The following RP1 variants were observed in gnomAD, a reference collection of about 807,000 sequenced individuals.
The protein encoded by RP1 is oxygen-regulated protein 1.
A neutral mutation model predicts 14.8 loss-of-function variants in RP1; 16 were observed. The observed-to-expected ratio is 1.08, with a 90% CI of 0.73 to 1.65. RP1 has a LOEUF of 1.65. RP1 is among the 40% of genes most tolerant of loss of function. The pLI, the probability that RP1 is intolerant of heterozygous loss-of-function variation, is 0.00. For synonymous variants in RP1, 876 were observed against 883.6 expected (o/e 0.99, Z 0.15); for missense variants, 2,631 against 2,535.0 (o/e 1.04, Z -0.81).
chr8:54,754,986 A>G (rs754930794), intron 20 of RP1: 7 of 1,410,276 alleles, frequency 5.0e-6, no homozygotes, highest in Non-Finnish European at 5.5e-6. Context: ...ATTGTTTGGT[A>G]GTTGCTTAAA....
chr8:54,628,686 C>A lies in RP1; in HGVS notation c.4804C>A (p.Gln1602Lys). The A allele has an allele frequency of 6.2e-7, 1 of 1,614,028 alleles. No individual in the cohort carries two copies. The highest frequency in any genetic ancestry group is 8.5e-7 in the Non-Finnish European group (1 of 1,179,956). ...CTATCGGCCTGACAGTGACAGTGAG[C>A]AGCCATATAAAACATCCAGTGATGA... Reference protein sequence around the residue: ...SDYRPDSDSEQPYKTSSDDPN... With the variant: ...SDYRPDSDSEKPYKTSSDDPN... The change falls in exon 4 of 4, where the codon CAG (glutamine) becomes AAG (lysine). Residue 1602 changes from glutamine to lysine, a missense_variant. By Grantham distance (53) the Gln-to-Lys change is moderately conservative. Coordinates refer to ENST00000220676, the MANE Select transcript of RP1 (RefSeq NM_006269.2).
At chr8:54,834,185 A>C (rs1174247339) in intron 24 of RP1, among the ~76,000 whole-genome samples, 1 of 152,044 alleles carries the variant, frequency 6.6e-6, no homozygotes, top group East Asian at 1.9e-4. Flanking sequence ...AAGGGTATTT[A>C]AGGTACCCAG....
intron 1 of RP1, among the ~76,000 whole-genome samples, chr8:54,584,627 T>C (rs1804875796): frequency 6.6e-6 from 1 of 152,218 alleles, no homozygotes; most frequent in African/African-American, 2.4e-5. Flanking sequence ...TATTATTGTG[T>C]GGGTGTCTAA....
At chr8:54,702,113 G>A (rs1468844497) in intron 14 of RP1, among the ~76,000 whole-genome samples, 1 of 151,940 alleles carries the variant, frequency 6.6e-6, no homozygotes, top group East Asian at 1.9e-4. Flanking sequence ...TATTTATGAG[G>A]TTTCCCATTT....
chr8:54,581,330 T>C (rs1427565926), intron 1 of RP1, among the ~76,000 whole-genome samples: 1 of 152,238 alleles, frequency 6.6e-6, no homozygotes, highest in Non-Finnish European at 1.5e-5. Flanking sequence ...ACGAAGGACA[T>C]GAACTCATCA....
intron 12 of RP1, among the ~76,000 whole-genome samples, chr8:54,689,761 A>G (rs1297158067): frequency 1.3e-5 from 2 of 151,814 alleles, no homozygotes; most frequent in African/African-American, 4.8e-5. Flanking sequence ...GGGGCTGTAC[A>G]CTCTACCCAC....
chr8:54,710,431 C>T (rs564021547), intron 15 of RP1, among the ~76,000 whole-genome samples: 33 of 152,180 alleles, frequency 2.2e-4, no homozygotes, highest in Non-Finnish European at 4.3e-4. Context: ...TTAGTCCCAC[C>T]GTCTGTAGAC....
chr8:54,812,449 C>CT (rs1444958418), intron 24 of RP1, among the ~76,000 whole-genome samples: 10 of 152,132 alleles, frequency 6.6e-5, no homozygotes, highest in African/African-American at 2.2e-4. Flanking sequence ...CCTTTGTTTG[C>CT]TTTTAAAATG....
At position 54,621,481 on chromosome 8, in the gene RP1, TG is replaced by T; in HGVS notation, c.516del (p.Ser173AlafsTer15). ...GDPKTRRAVL[L>X]SRRVTQSFEA... ...CCGAAGACGAGGCGTGCGGTTCTTC[TG>T]AGCAGGAGGGTCACCCAGAGCTTCG... On this transcript the variant is annotated frameshift_variant, in exon 2 of 4. Coordinates refer to ENST00000220676, the MANE Select transcript of RP1 (RefSeq NM_006269.2). LOFTEE classifies it high-confidence loss of function. The T allele has an allele frequency of 6.2e-7, 1 of 1,614,078 alleles. No individual in the cohort carries two copies. The highest frequency in any genetic ancestry group is 8.5e-7 in the Non-Finnish European group (1 of 1,180,022).
chr8:54,764,614 T>G (rs1423324005), intron 22 of RP1, among the ~76,000 whole-genome samples: 1 of 152,250 alleles, frequency 6.6e-6, no homozygotes, highest in African/African-American at 2.4e-5. Flanking sequence ...AAGGTTGGGC[T>G]GATGTCTTAT....
chr8:54,708,969 T>A (rs1029788402), intron 15 of RP1, among the ~76,000 whole-genome samples: 1 of 152,176 alleles, frequency 6.6e-6, no homozygotes, highest in Non-Finnish European at 1.5e-5. Context: ...AGAAGTATTA[T>A]CCTGCCACAA....
intron 22 of RP1, among the ~76,000 whole-genome samples, chr8:54,760,820 G>C (rs1274846182): frequency 6.6e-6 from 1 of 152,118 alleles, no homozygotes; most frequent in Non-Finnish European, 1.5e-5. Context: ...CCATCCTCAA[G>C]TTCCAATTCC....
intron 24 of RP1, among the ~76,000 whole-genome samples, chr8:54,803,006 T>C (rs575192350): frequency 6.9e-4 from 103 of 149,058 alleles, no homozygotes; most frequent in African/African-American, 2.4e-3. Flanking sequence ...GATTCATAGC[T>C]TTTTTTTTTC....
At chr8:54,823,408 G>A (rs1811305336) in intron 24 of RP1, among the ~76,000 whole-genome samples, 1 of 152,132 alleles carries the variant, frequency 6.6e-6, no homozygotes, top group Non-Finnish European at 1.5e-5. Context: ...TTGGGTCACT[G>A]CAACCTCTGC....
At chr8:54,725,421 T>G (rs956265837) in intron 16 of RP1, among the ~76,000 whole-genome samples, 1 of 152,188 alleles carries the variant, frequency 6.6e-6, no homozygotes, top group East Asian at 1.9e-4. Flanking sequence ...AAATGATATC[T>G]TATAACACCT....
chr8:54,692,052 T>C (rs1448529814), intron 12 of RP1, among the ~76,000 whole-genome samples: 3 of 151,774 alleles, frequency 2.0e-5, no homozygotes, highest in Non-Finnish European at 4.4e-5. Context: ...CACCTATGAG[T>C]GAGAACATGT....
At chr8:54,705,978 A>G (rs1215053002) in intron 14 of RP1, among the ~76,000 whole-genome samples, 1 of 152,168 alleles carries the variant, frequency 6.6e-6, no homozygotes, top group East Asian at 1.9e-4. Flanking sequence ...TCTTCCTCTT[A>G]AATTAATGAT....
chr8:54,603,081 C>T (rs1488483970), intron 1 of RP1, among the ~76,000 whole-genome samples: 1 of 152,122 alleles, frequency 6.6e-6, no homozygotes, highest in African/African-American at 2.4e-5. Flanking sequence ...GTTGCCATTG[C>T]TTTTGATGTT....
At chr8:54,670,293 C>T (rs564447353) in intron 7 of RP1, among the ~76,000 whole-genome samples, 1 of 151,440 alleles carries the variant, frequency 6.6e-6, no homozygotes, top group East Asian at 2.0e-4. Flanking sequence ...TTGGTCATGT[C>T]CACTTGCTTT....
Sources: allele counts gnomAD v4.1 joint callset (sites outside exome capture counted in the v4.1 genomes callset), GRCh38; gene constraint gnomAD v4.1.1; transcripts MANE v1.5; gene names NCBI Gene and HGNC (gene_info 2026-07-23, HGNC 2026-07-21).